The following MRTFA variants were observed in gnomAD, a reference collection of about 807,000 sequenced individuals.
MRTFA encodes myocardin related transcription factor A, also known as myocardin-related transcription factor A.
In MRTFA, 20 loss-of-function variants were observed where a neutral mutation model predicts 83.5. That is an observed-to-expected ratio of 0.24 (90% confidence interval 0.17 to 0.35). The LOEUF (loss-of-function observed/expected upper bound fraction) is 0.35, where lower values mean the gene tolerates loss of function less well. Ranked by LOEUF, MRTFA falls within the 10% of genes least tolerant of loss-of-function variation. MRTFA has a pLI of 1.00. For synonymous variants in MRTFA, 659 were observed against 541.2 expected (o/e 1.22, Z -3.02); for missense variants, 1,200 against 1,224.7 (o/e 0.98, Z 0.30).
rs1357561371 is a variant in MRTFA at position 40,470,272 on chromosome 22, T to G, written c.242-6986A>C. On this transcript the variant is annotated intron_variant, in intron 3 of 14. Coordinates refer to ENST00000355630, the MANE Select transcript of MRTFA (RefSeq NM_020831.6). ...ATATATATATATATATATATATATA[T>G]ATATATATAAAGAAACATAATAAAG... Among the ~76,000 whole-genome samples the G allele has an allele frequency of 3.3e-5, 3 of 91,446 alleles. No individual in the cohort carries two copies. In the South Asian group the frequency reaches 1.0e-3, roughly 30 times the overall value. The allele number at this position is 91,446 out of a possible 152,430, so 60.0% of individuals were successfully genotyped here.
chr22:40,529,117 A>G (rs868032379), intron 3 of MRTFA, among the ~76,000 whole-genome samples: 6 of 152,178 alleles, frequency 3.9e-5, no homozygotes, highest in Admixed American at 1.3e-4. Flanking sequence ...GGAAAAACTT[A>G]TATGTCCACA....
intron 1 of MRTFA, among the ~76,000 whole-genome samples, chr22:40,613,982 C>T (rs548595072): frequency 3.6e-4 from 54 of 151,164 alleles, no homozygotes; most frequent in Non-Finnish European, 7.5e-4. Flanking sequence ...GGCGGATCAC[C>T]TGAGGTTGGG....
At chr22:40,587,209 T>C in intron 2 of MRTFA, 1 of 467,474 alleles carries the variant, frequency 2.1e-6, no homozygotes, top group Non-Finnish European at 4.3e-6. Context: ...GAAACAGCTT[T>C]ACACCAAGTG....
In MRTFA at chr22:40,537,785, G is replaced by A. The variant is rs1336873409; in HGVS notation, c.241+14321C>T. On this transcript the variant is annotated intron_variant, in intron 3 of 14. Coordinates refer to ENST00000355630, the MANE Select transcript of MRTFA (RefSeq NM_020831.6). The stretch of plus-strand genomic sequence containing the variant: ...AGGGAGGTGGGGGGGTCAGCCCCCC[G>A]CCTGGCCAGCCGCCCCGTCCGGGAG... Among the ~76,000 whole-genome samples, 7 of 30,200 alleles carry A rather than the reference G, an allele frequency of 2.3e-4. No homozygotes were observed. The South Asian group carries it at 3.3e-3, about 14-fold the overall frequency. The allele number at this position is 30,200 out of a possible 152,430, so 19.8% of individuals were successfully genotyped here. A position where few individuals can be genotyped will look rare whatever the true frequency, so the allele number is the denominator to read the frequency against.
chr22:40,431,253 T>G, intron 6 of MRTFA, 152 bp downstream of exon 6: 1 of 685,670 alleles, frequency 1.5e-6, no homozygotes, highest in Non-Finnish European at 2.6e-6. Flanking sequence ...GCAGCTACCA[T>G]GGCACAGCTG....
chr22:40,412,760 A>G (rs2052586850), intron 14 of MRTFA: 1 of 152,232 alleles, frequency 6.6e-6, no homozygotes, highest in Non-Finnish European at 1.5e-5. Context: ...TACGAGATCA[A>G]AAGAAAGGGA....
At chr22:40,592,973 T>C (rs567027194) in intron 2 of MRTFA, among the ~76,000 whole-genome samples, 6 of 152,170 alleles carry the variant, frequency 3.9e-5, no homozygotes, top group African/African-American at 1.4e-4. Context: ...GATACAGAGA[T>C]CAAGCAAAAC....
At chr22:40,558,830 A>G (rs1310348679) in intron 2 of MRTFA, among the ~76,000 whole-genome samples, 1 of 146,658 alleles carries the variant, frequency 6.8e-6, no homozygotes, top group Non-Finnish European at 1.5e-5. Flanking sequence ...TCGCTCCACC[A>G]CCCAGGCTGC....
intron 1 of MRTFA, among the ~76,000 whole-genome samples, chr22:40,611,247 CTTTTT>C (rs925182103): frequency 1.1e-4 from 17 of 150,294 alleles, no homozygotes; most frequent in African/African-American, 3.9e-4. Flanking sequence ...CCTATTTTTA[CTTTTT>C]ATTTTTAGAG....
chr22:40,441,273 G>C (rs1459309930), intron 4 of MRTFA, among the ~76,000 whole-genome samples: 2 of 152,182 alleles, frequency 1.3e-5, no homozygotes, highest in African/African-American at 4.8e-5. Context: ...CAAATGAACA[G>C]AAGTGGCCAA....
chr22:40,550,744 G>C (rs1417845131), intron 3 of MRTFA, among the ~76,000 whole-genome samples: 2 of 152,048 alleles, frequency 1.3e-5, no homozygotes. Flanking sequence ...CCAAATTCAA[G>C]TTAGTAGTTT....
intron 1 of MRTFA, among the ~76,000 whole-genome samples, chr22:40,621,995 T>C (rs1045110207): frequency 6.6e-6 from 1 of 152,146 alleles, no homozygotes; most frequent in Non-Finnish European, 1.5e-5. Flanking sequence ...TGAGTTGATG[T>C]TGCAATGGGT....
At chr22:40,571,317 T>G (rs1486597647) in intron 2 of MRTFA, among the ~76,000 whole-genome samples, 2 of 151,980 alleles carry the variant, frequency 1.3e-5, no homozygotes, top group East Asian at 1.9e-4. Flanking sequence ...AATGTAAAAC[T>G]CTTACAAGAA....
At chr22:40,548,744 G>C (rs2055404267) in intron 3 of MRTFA, among the ~76,000 whole-genome samples, 1 of 151,508 alleles carries the variant, frequency 6.6e-6, no homozygotes, top group African/African-American at 2.4e-5. Context: ...CGCACCTGTA[G>C]TCCCAGCTAC....
In MRTFA at chr22:40,507,075, C is replaced by T. The variant is rs568019398; in HGVS notation, c.242-43789G>A. 4.6e-5 allele frequency among the ~76,000 whole-genome samples: 7 copies of T among 152,274 alleles called. No homozygotes were observed. The East Asian group carries it at 1.4e-3, about 29-fold the overall frequency. On this transcript the variant is annotated intron_variant, in intron 3 of 14. Transcript: ENST00000355630. ...CATACTACAATCTTAGAAACTTCTC[C>T]TTTGGCCAGGCATGGTGGTTCAAAC...
chr22:40,611,092 C>G (rs994393839), intron 1 of MRTFA, among the ~76,000 whole-genome samples: 3 of 151,834 alleles, frequency 2.0e-5, no homozygotes, highest in African/African-American at 7.3e-5. Context: ...CGTGTGCCAC[C>G]ACGCCCGGCC....
intron 3 of MRTFA, among the ~76,000 whole-genome samples, chr22:40,498,390 T>A (rs113015293): frequency 7.0e-6 from 1 of 142,890 alleles, no homozygotes; most frequent in South Asian, 2.4e-4. Context: ...GCTGAGATGA[T>A]CCTCTCACCT....
chr22:40,555,977 A>G (rs2055517765), intron 2 of MRTFA, among the ~76,000 whole-genome samples: 1 of 152,148 alleles, frequency 6.6e-6, no homozygotes, highest in Non-Finnish European at 1.5e-5. Flanking sequence ...AATGTGGGAA[A>G]TGCTTATTCT....
At chr22:40,419,598 C>T (rs1046654372) in intron 11 of MRTFA, among the ~76,000 whole-genome samples, 5 of 152,214 alleles carry the variant, frequency 3.3e-5, no homozygotes, top group Admixed American at 1.3e-4. Flanking sequence ...GGTTAAAATG[C>T]TCCCCACCTA....
Sources: gnomAD v4.1 joint callset for allele counts (sites outside exome capture counted in the v4.1 genomes callset) on GRCh38, gnomAD v4.1.1 for gene constraint, MANE v1.5 for transcripts, NCBI Gene and HGNC (gene_info 2026-07-23, HGNC 2026-07-21) for gene names.